The following GINS1 variants were observed in gnomAD, a reference collection of about 807,000 sequenced individuals.
GINS1 encodes the protein GINS complex subunit 1.
In GINS1, 26 loss-of-function variants were observed where a neutral mutation model predicts 34.9. That is an observed-to-expected ratio of 0.74 (90% CI 0.55 to 1.03). The LOEUF is 1.03. GINS1 is among the 50% of genes least tolerant of loss of function. GINS1 has a pLI of 0.00. For missense variants in GINS1, 235 were observed against 237.9 expected, an observed-to-expected ratio of 0.99 and a Z score of 0.08; for synonymous variants, 97 against 84.4, an observed-to-expected ratio of 1.15 and a Z score of -0.82.
chr20:25,421,113 G>A (rs1032545267), intron 4 of GINS1: 1 of 191,604 alleles, frequency 5.2e-6, no homozygotes, highest in East Asian at 1.9e-4. Context: ...CCTAAATTCA[G>A]ATCCCTGCCT....
chr20:25,419,449 CATAA>C (rs2090341609), intron 4 of GINS1, among the ~76,000 whole-genome samples: 1 of 152,094 alleles, frequency 6.6e-6, no homozygotes, highest in African/African-American at 2.4e-5. Flanking sequence ...TCATTTTCTG[CATAA>C]ATAAATGAGT....
intron 4 of GINS1, among the ~76,000 whole-genome samples, chr20:25,421,222 A>G (rs1269244005): frequency 2.0e-5 from 3 of 152,244 alleles, no homozygotes; most frequent in Non-Finnish European, 4.4e-5. Context: ...TCATGGGGCA[A>G]TGAAAAAGAG....
Position 25,418,153 on chromosome 20 carries a change from C to T in GINS1, c.288C>T (p.Ser96=), listed in dbSNP as rs113363253. The change falls in exon 4 of 7, where the codon AGC becomes AGT. Residue 96 remains serine (S), a synonymous_variant. Transcript: ENST00000262460. ...RIRALRWEYG[S]VLPNALRFHM... ...GAGCACTCAGATGGGAATATGGTAG[C>T]GTCTTGCCAAATGCATTACGATTTC... 2.8e-5 allele frequency: 45 copies of T among 1,605,258 alleles called. 1 individual carries two copies. The highest frequency in any genetic ancestry group is 2.3e-4 in the African/African-American group (17 of 74,924).
chr20:25,434,408 C>T (rs1192064734), intron 5 of GINS1, among the ~76,000 whole-genome samples: 3 of 151,810 alleles, frequency 2.0e-5, no homozygotes, highest in Non-Finnish European at 2.9e-5. Context: ...AAACAAAATA[C>T]CTGAGACTAG....
intron 1 of GINS1, among the ~76,000 whole-genome samples, chr20:25,410,562 CT>C (rs148556749): frequency 6.6e-6 from 1 of 151,280 alleles, no homozygotes; most frequent in Non-Finnish European, 1.5e-5. Context: ...AGGCTTTTCT[CT>C]TTTTTTTATT....
Position 25,413,775 on chromosome 20 carries a change from G to A in GINS1, c.76-15G>A, listed in dbSNP as rs903558447. 9 of 1,494,770 alleles carry A rather than the reference G, an allele frequency of 6.0e-6. No individual in the cohort carries two copies. Among genetic ancestry groups the A allele is most frequent in the South Asian group, 1.1e-5 (1 of 88,670 alleles). 92.6% of individuals were successfully genotyped at this position (1,494,770 alleles called of 1,614,324 possible). ...GGGAAATCAGTGGATTTCAATATCGGTTTATATGTTCTAGGAGGATGGACT... is the reference window on the plus strand; with the variant it reads ...GGGAAATCAGTGGATTTCAATATCGATTTATATGTTCTAGGAGGATGGACT... On this transcript the variant is annotated splice_polypyrimidine_tract_variant and intron_variant, in intron 1 of 6. Coordinates refer to ENST00000262460, the MANE Select transcript of GINS1 (RefSeq NM_021067.5).
At chr20:25,417,263 A>G (rs2090326993) in intron 3 of GINS1, 61 bp downstream of exon 3, 1 of 784,114 alleles carries the variant, frequency 1.3e-6, no homozygotes, top group Non-Finnish European at 2.3e-6. Context: ...CCAGTTGACC[A>G]TCTCAAATGG....
intron 1 of GINS1, among the ~76,000 whole-genome samples, chr20:25,411,927 G>A (rs1463378620): frequency 6.8e-6 from 1 of 146,738 alleles, no homozygotes; most frequent in East Asian, 2.1e-4. Context: ...TGGGTGACAA[G>A]AACAAAACTC....
intron 1 of GINS1, among the ~76,000 whole-genome samples, chr20:25,410,360 A>G (rs2090276452): frequency 6.6e-6 from 1 of 151,622 alleles, no homozygotes; most frequent in African/African-American, 2.4e-5. Flanking sequence ...AAAAAGTTGT[A>G]GAATCACTGT....
Position 25,417,895 on chromosome 20 carries a change from A to T in GINS1, c.240-210A>T, listed in dbSNP as rs990453516. The stretch of plus-strand genomic sequence containing the variant: ...GGGGAAAGAAAGAAATAAGGACCTT[A>T]GGGACCTTTTTCCCAGGACTACTGT... On this transcript the variant is annotated intron_variant, in intron 3 of 6. Transcript: ENST00000262460. 2.0e-5 allele frequency among the ~76,000 whole-genome samples: 3 copies of T among 152,290 alleles called. 1 individual carries two copies. The Middle Eastern group carries it at 0.01, about 518-fold the overall frequency.
intron 5 of GINS1, among the ~76,000 whole-genome samples, chr20:25,426,277 T>G (rs1251110223): frequency 6.6e-6 from 1 of 152,172 alleles, no homozygotes; most frequent in Non-Finnish European, 1.5e-5. Flanking sequence ...TGTGTCAGAA[T>G]TTCCGGCTGG....
intron 5 of GINS1, among the ~76,000 whole-genome samples, chr20:25,438,917 A>AGAAT (rs1267121009): frequency 2.0e-5 from 3 of 152,130 alleles, no homozygotes; most frequent in Non-Finnish European, 4.4e-5. Flanking sequence ...GTTTCCTTGG[A>AGAAT]GAATGTGAGG....
At chr20:25,444,051 A>T (rs1175588606) in intron 6 of GINS1, among the ~76,000 whole-genome samples, 1 of 148,496 alleles carries the variant, frequency 6.7e-6, no homozygotes, top group Non-Finnish European at 1.5e-5. Context: ...TCGCTCTGTC[A>T]CCCAGGCTGT....
intron 5 of GINS1, among the ~76,000 whole-genome samples, chr20:25,441,419 C>G (rs1419496603): frequency 6.6e-6 from 1 of 151,998 alleles, no homozygotes; most frequent in Non-Finnish European, 1.5e-5. Flanking sequence ...CTTAATTTTT[C>G]AGGATTTCAG....
At chr20:25,429,749 A>G (rs1216628130) in intron 5 of GINS1, among the ~76,000 whole-genome samples, 2 of 152,214 alleles carry the variant, frequency 1.3e-5, no homozygotes, top group Non-Finnish European at 2.9e-5. Flanking sequence ...ATGTAAGATC[A>G]TATCATCTGC....
At chr20:25,418,236 T>G in intron 4 of GINS1, 41 bp downstream of exon 4, 1 of 1,124,372 alleles carries the variant, frequency 8.9e-7, no homozygotes, top group South Asian at 1.2e-5. Context: ...TTGAAAATGC[T>G]AAAGTTCTGG....
At position 25,407,700 on chromosome 20, in the gene GINS1, C is replaced by T; in HGVS notation, c.-121C>T. The T allele has an allele frequency of 2.6e-6, 2 of 774,900 alleles. No individual in the cohort carries two copies. Among genetic ancestry groups the T allele is most frequent in the South Asian group, 1.7e-5 (1 of 60,254 alleles). 48.0% of individuals were successfully genotyped at this position (774,900 alleles called of 1,614,324 possible). A position where few individuals can be genotyped will look rare whatever the true frequency, so the allele number is the denominator to read the frequency against. On this transcript the variant is annotated 5_prime_UTR_variant, in exon 1 of 7. Coordinates refer to ENST00000262460, the MANE Select transcript of GINS1 (RefSeq NM_021067.5). ...TCGGCGCCAAAGCGCGGAGCGGAGGCCGAGGCGAGAGCCTGGCGCTGTAGG... is the reference window on the plus strand; with the variant it reads ...TCGGCGCCAAAGCGCGGAGCGGAGGTCGAGGCGAGAGCCTGGCGCTGTAGG...
At chr20:25,443,124 A>G (rs2090491937) in intron 6 of GINS1, 1 of 152,142 alleles carries the variant, frequency 6.6e-6, no homozygotes, top group African/African-American at 2.4e-5. Context: ...GGGTGAGTTG[A>G]TCTCTTATTT....
chr20:25,419,355 A>C (rs2090340758), intron 4 of GINS1, among the ~76,000 whole-genome samples: 1 of 151,756 alleles, frequency 6.6e-6, no homozygotes, highest in African/African-American at 2.4e-5. Context: ...AAAAAAAAAA[A>C]CAAATATTCA....
Sources: allele counts gnomAD v4.1 joint callset (sites outside exome capture counted in the v4.1 genomes callset), GRCh38; gene constraint gnomAD v4.1.1; transcripts MANE v1.5; gene names NCBI Gene and HGNC (gene_info 2026-07-23, HGNC 2026-07-21).